ADGRA2: variants seen among roughly 807,000 people sequenced by gnomAD.
The protein encoded by ADGRA2 is adhesion G protein-coupled receptor A2, also known as G-protein coupled receptor 124.
Under a neutral mutation model 98.7 loss-of-function variants are expected in ADGRA2, and 61 were observed. The ratio of observed to expected loss-of-function variants is 0.62; its 90% CI spans 0.50 to 0.76. The LOEUF (loss-of-function observed/expected upper bound fraction) is 0.76. Among genes scored for constraint, ADGRA2 ranks in the 30% least tolerant of loss-of-function variants. The pLI, the probability that ADGRA2 is intolerant of heterozygous loss-of-function variation, is 0.00. For synonymous variants in ADGRA2, 858 were observed against 831.5 expected, an observed-to-expected ratio of 1.03 and a Z score of -0.55; for missense variants, 1,712 against 1,860.0, an observed-to-expected ratio of 0.92 and a Z score of 1.46.
At chr8:37,823,871 TC>T (rs1371355163) in intron 2 of ADGRA2, among the ~76,000 whole-genome samples, 1 of 152,214 alleles carries the variant, frequency 6.6e-6, no homozygotes, top group Non-Finnish European at 1.5e-5. Flanking sequence ...TCTATTCAGA[TC>T]CTTTGCCCAT....
intron 2 of ADGRA2, among the ~76,000 whole-genome samples, chr8:37,816,973 CACAT>C (rs1287280737): frequency 2.7e-5 from 4 of 146,742 alleles, no homozygotes; most frequent in South Asian, 4.3e-4. Context: ...CACACACACA[CACAT>C]AGATTAGGGC....
At chr8:37,840,340 G>A (rs750232847) in intron 17 of ADGRA2, 74 bp downstream of exon 17, 576 of 1,515,838 alleles carry the variant, frequency 3.8e-4, no homozygotes, top group Middle Eastern at 1.1e-3. Flanking sequence ...CCCAAGGTGG[G>A]TGAAGGGTGA....
In ADGRA2 at chr8:37,832,959, T is replaced by TGTTGTTCTGAGAAGCCCG. The variant is rs1394633264; in HGVS notation, c.1098-47_1098-30dup. 4 of 1,398,442 alleles carry TGTTGTTCTGAGAAGCCCG rather than the reference T, an allele frequency of 2.9e-6. No homozygotes were observed. In the Admixed American group the frequency reaches 6.9e-5, roughly 24 times the overall value. The allele number at this position is 1,398,442 out of a possible 1,614,324, so 86.6% of individuals were successfully genotyped here. Reference sequence around the variant, plus strand: ...ACCGTTCTAAAGTCGGGAGAAGGGCTGTTGTTCTGAGAAGCCCGGTTCATC... The same window carrying TGTTGTTCTGAGAAGCCCG: ...ACCGTTCTAAAGTCGGGAGAAGGGCTGTTGTTCTGAGAAGCCCGGTTGTTCTGAGAAGCCCGGTTCATC... On this transcript the variant is annotated intron_variant, in intron 8 of 18. Transcript: ENST00000412232.
chr8:37,832,169 T>G (rs1805475680), intron 8 of ADGRA2, among the ~76,000 whole-genome samples: 1 of 152,058 alleles, frequency 6.6e-6, no homozygotes, highest in African/African-American at 2.4e-5. Flanking sequence ...TGGCATGATC[T>G]TGTTGCCTCA....
At chr8:37,838,893 G>A in intron 14 of ADGRA2, 63 bp from the exon 15 acceptor site, 1 of 1,512,182 alleles carries the variant, frequency 6.6e-7, no homozygotes, top group African/African-American at 1.4e-5. Context: ...GAAGAGGAAA[G>A]CTGGCCTGGG....
At chr8:37,831,995 G>A (rs911548826) in intron 8 of ADGRA2, among the ~76,000 whole-genome samples, 8 of 152,194 alleles carry the variant, frequency 5.3e-5, no homozygotes, top group Non-Finnish European at 1.5e-5. Context: ...AGGAGGCGGA[G>A]GTTGCAGTGA....
Position 37,831,465 on chromosome 8 carries a change from G to A in ADGRA2, c.975G>A (p.Glu325=), listed in dbSNP as rs759374458. ...ACATCGGCGTGTGGGCCTCAGGCGA[G>A]TGGGAGTGCACCGTGTCCATGGCCC... ...LSHIGVWASG[E]WECTVSMAQG... is the part of the protein sequence containing the mutation. The change falls in exon 8 of 19, where the codon GAG becomes GAA. Residue 325 remains glutamate, a synonymous_variant. Transcript: ENST00000412232. 1 of 1,613,328 alleles carries A rather than the reference G, an allele frequency of 6.2e-7. No homozygotes were observed. Among genetic ancestry groups the A allele is most frequent in the South Asian group, 1.1e-5 (1 of 91,092 alleles).
intron 2 of ADGRA2, among the ~76,000 whole-genome samples, chr8:37,826,302 G>A (rs1805279962): frequency 6.6e-6 from 1 of 152,150 alleles, no homozygotes; most frequent in Non-Finnish European, 1.5e-5. Context: ...TCCCAGAGGG[G>A]CAGGCAGTGA....
At chr8:37,817,744 T>C (rs1393091167) in intron 2 of ADGRA2, among the ~76,000 whole-genome samples, 1 of 152,006 alleles carries the variant, frequency 6.6e-6, no homozygotes, top group Admixed American at 6.6e-5. Context: ...AGGCCAGGCA[T>C]GGTGGCTCAC....
At chr8:37,816,927 A>AACACACAC (rs3050620) in intron 2 of ADGRA2, among the ~76,000 whole-genome samples, 4,822 of 131,826 alleles carry the variant, frequency 0.037, 125 homozygotes, top group East Asian at 0.059. Flanking sequence ...AAGAAAGCAA[A>AACACACAC]ACACACACAC....
intron 2 of ADGRA2, among the ~76,000 whole-genome samples, chr8:37,818,671 G>A (rs1009441063): frequency 6.6e-6 from 1 of 152,238 alleles, no homozygotes; most frequent in Non-Finnish European, 1.5e-5. Flanking sequence ...TCTAGGCTTT[G>A]GGAGTGAGCA....
At chr8:37,832,153 G>A (rs1330173111) in intron 8 of ADGRA2, among the ~76,000 whole-genome samples, 6 of 151,862 alleles carry the variant, frequency 4.0e-5, no homozygotes, top group Admixed American at 1.3e-4. Context: ...TCACTCTGGA[G>A]TGCAATGGCA....
rs11335728 is a variant in ADGRA2, at chr8:37,838,250, A to ATTTTTT, written c.2259+327_2259+332dup. Reference sequence around the variant, plus strand: ...CACATCCTGCACTTTCTGAGACCAGATTTTTTTTTTTTTTTTTTTTTAGAC... The same window carrying ATTTTTT: ...CACATCCTGCACTTTCTGAGACCAGATTTTTTTTTTTTTTTTTTTTTTTTTTTAGAC... On this transcript the variant is annotated intron_variant, in intron 14 of 18. Coordinates refer to ENST00000412232, the MANE Select transcript of ADGRA2 (RefSeq NM_032777.10). 5.7e-3 allele frequency among the ~76,000 whole-genome samples: 734 copies of ATTTTTT among 129,710 alleles called. 5 individuals carry two copies. Among genetic ancestry groups the ATTTTTT allele is most frequent in the African/African-American group, 0.015 (524 of 33,912 alleles). 85.1% of individuals were successfully genotyped at this position (129,710 alleles called of 152,430 possible).
At position 37,840,765 on chromosome 8, in the gene ADGRA2, A is replaced by T; in HGVS notation, c.2663A>T (p.Tyr888Phe). The change falls in exon 18 of 19, where the codon TAT becomes TTT. Residue 888 changes from tyrosine to phenylalanine, a missense_variant. Transcript: ENST00000412232. ...CAATCCCTCATTCCCTCCAGGTTCT[A>T]TTTGATCGCTGGAGGGATTCCACTC... ...LPTPSPMLRF[Y>F]LIAGGIPLII... 6.3e-7 allele frequency: 1 copy of T among 1,586,386 alleles called. No individual in the cohort carries two copies.
rs759227841 is a variant in ADGRA2, at chr8:37,837,712, C to T, written c.2051-19C>T. On this transcript the variant is annotated intron_variant, in intron 13 of 18. Coordinates refer to ENST00000412232, the MANE Select transcript of ADGRA2 (RefSeq NM_032777.10). ...GACACCCTGTGTGTGTCTGTGTGGACGTCCCTCTCCCGCTGTAGGTGGCTG... is the reference window on the plus strand; with the variant it reads ...GACACCCTGTGTGTGTCTGTGTGGATGTCCCTCTCCCGCTGTAGGTGGCTG... The T allele has an allele frequency of 3.8e-5, 58 of 1,543,034 alleles. No homozygotes were observed. In the Admixed American group the frequency reaches 8.2e-4, roughly 22 times the overall value.
chr8:37,805,059 G>A (rs1314047142), intron 1 of ADGRA2, among the ~76,000 whole-genome samples: 1 of 152,248 alleles, frequency 6.6e-6, no homozygotes, highest in Non-Finnish European at 1.5e-5. Context: ...CGTGGAGCCC[G>A]GCTCACTCAG....
chr8:37,822,394 C>CACACACACACAA (rs1805151312), intron 2 of ADGRA2, among the ~76,000 whole-genome samples: 7 of 129,436 alleles, frequency 5.4e-5, no homozygotes, highest in Non-Finnish European at 8.0e-5. Context: ...TACACACACA[C>CACACACACACAA]ACACACACAC....
At position 37,842,219 on chromosome 8, in the gene ADGRA2, C is replaced by CG; in HGVS notation, c.3882dup (p.Tyr1295ValfsTer96). On this transcript the variant is annotated frameshift_variant, in exon 19 of 19. Coordinates refer to ENST00000412232, the MANE Select transcript of ADGRA2 (RefSeq NM_032777.10). LOFTEE classifies it low-confidence loss of function (END_TRUNC). ...CTGGAGAAGGAGAGCCATCGCCGCT[C>CG]GTACCCGCTCAACGCCGCCAGCCTA... 6.5e-7 allele frequency: 1 copy of CG among 1,547,550 alleles called. No homozygotes were observed. Among genetic ancestry groups the CG allele is most frequent in the Non-Finnish European group, 8.7e-7 (1 of 1,146,394 alleles).
intron 13 of ADGRA2, among the ~76,000 whole-genome samples, chr8:37,836,807 G>C (rs1327292708): frequency 6.6e-6 from 1 of 152,156 alleles, no homozygotes; most frequent in Non-Finnish European, 1.5e-5. Flanking sequence ...CGATGTGGCT[G>C]TACCCCCTTT....
Sources: gnomAD v4.1 joint callset for allele counts (sites outside exome capture counted in the v4.1 genomes callset) on GRCh38, gnomAD v4.1.1 for gene constraint, MANE v1.5 for transcripts, NCBI Gene and HGNC (gene_info 2026-07-23, HGNC 2026-07-21) for gene names.